PEPD: variants seen among roughly 807,000 people sequenced by gnomAD.
PEPD encodes the protein xaa-Pro dipeptidase.
In PEPD, 53 loss-of-function variants were observed where a neutral mutation model predicts 60.7. That is an observed-to-expected ratio of 0.87 (90% CI 0.70 to 1.10). The LOEUF is 1.10. Ranked by LOEUF, PEPD falls within the 50% of genes least tolerant of loss-of-function variation. The pLI, the probability that PEPD is intolerant of heterozygous loss-of-function variation, is 0.00. For missense variants in PEPD, 711 were observed against 711.9 expected, an observed-to-expected ratio of 1.00 and a Z score of 0.01; for synonymous variants, 267 against 284.1, an observed-to-expected ratio of 0.94 and a Z score of 0.60.
At chr19:33,409,180 T>A (rs1399869280) in intron 11 of PEPD, among the ~76,000 whole-genome samples, 1 of 152,222 alleles carries the variant, frequency 6.6e-6, no homozygotes, top group Non-Finnish European at 1.5e-5. Context: ...GAGCAGTCAC[T>A]TCTTCTGGGG....
intron 8 of PEPD, among the ~76,000 whole-genome samples, chr19:33,463,260 G>A (rs1969962776): frequency 6.6e-6 from 1 of 152,190 alleles, no homozygotes; most frequent in African/African-American, 2.4e-5. Flanking sequence ...ACTTCCATTT[G>A]GAAGCCGATA....
At chr19:33,463,340 G>A (rs1320329248) in intron 8 of PEPD, among the ~76,000 whole-genome samples, 2 of 152,218 alleles carry the variant, frequency 1.3e-5, no homozygotes, top group African/African-American at 4.8e-5. Flanking sequence ...TAACCACGAG[G>A]TGCTTGGTGA....
intron 6 of PEPD, among the ~76,000 whole-genome samples, chr19:33,481,313 T>A (rs1008428735): frequency 6.6e-6 from 1 of 152,204 alleles, no homozygotes; most frequent in Non-Finnish European, 1.5e-5. Flanking sequence ...ATGCCTGCAG[T>A]CCCAGCACTT....
chr19:33,391,249 C>T lies in PEPD; in HGVS notation c.1152+46G>A, dbSNP rs534944956. 2.1e-5 allele frequency: 32 copies of T among 1,499,186 alleles called. No homozygotes were observed. The Admixed American group carries it at 2.5e-4, about 12-fold the overall frequency. 92.9% of individuals were successfully genotyped at this position (1,499,186 alleles called of 1,614,324 possible). A position where few individuals can be genotyped will look rare whatever the true frequency, so the allele number is the denominator to read the frequency against. ...ACCCTGCCCTGGGGGTCAGGCTCAGCGGCAGCTGATGGGCAGGCCACTCCG... is the reference window on the plus strand; with the variant it reads ...ACCCTGCCCTGGGGGTCAGGCTCAGTGGCAGCTGATGGGCAGGCCACTCCG... On this transcript the variant is annotated intron_variant, in intron 13 of 14. Transcript: ENST00000244137.
intron 9 of PEPD, among the ~76,000 whole-genome samples, chr19:33,457,934 C>G (rs35208092): frequency 1.3e-5 from 2 of 152,102 alleles, no homozygotes; most frequent in Non-Finnish European, 2.9e-5. Flanking sequence ...GCTGGATTCA[C>G]GGAGAGCTCC....
intron 9 of PEPD, among the ~76,000 whole-genome samples, chr19:33,454,320 G>A (rs1474140334): frequency 6.6e-6 from 1 of 152,122 alleles, no homozygotes; most frequent in African/African-American, 2.4e-5. Context: ...TTAAAAAAGA[G>A]GCCAGGCGCA....
At chr19:33,442,096 G>A (rs1179843123) in intron 9 of PEPD, among the ~76,000 whole-genome samples, 2 of 152,180 alleles carry the variant, frequency 1.3e-5, no homozygotes, top group Admixed American at 1.3e-4. Flanking sequence ...ACCTGTAAAA[G>A]GGGCTTAATA....
chr19:33,388,081 CCT>C lies in PEPD; in HGVS notation c.1153-2_1153-1del. ...CCGGGCTCGTCGATGCGCTCCACGC[CCT>C]GTGGGGAACAGAGGTGAGGGGCCTG... On this transcript the variant is annotated splice_acceptor_variant, in intron 13 of 14. Coordinates refer to ENST00000244137, the MANE Select transcript of PEPD (RefSeq NM_000285.4). LOFTEE classifies it high-confidence loss of function. 1 of 1,546,568 alleles carries C rather than the reference CCT, an allele frequency of 6.5e-7. No homozygotes were observed. The highest frequency in any genetic ancestry group is 8.7e-7 in the Non-Finnish European group (1 of 1,147,064).
rs372497046 is a variant in PEPD, at chr19:33,518,466, C to T, written c.17+3278G>A. 1.3e-4 allele frequency among the ~76,000 whole-genome samples: 20 copies of T among 152,290 alleles called. 1 individual carries two copies. The highest frequency in any genetic ancestry group is 1.2e-3 in the South Asian group (6 of 4,820). The stretch of plus-strand genomic sequence containing the variant: ...AGAATGCTGACTCCAGTGTAACCTA[C>T]GGCTCAACAGGGGTACACGTCCAGG... On this transcript the variant is annotated intron_variant, in intron 1 of 14. Coordinates refer to ENST00000244137, the MANE Select transcript of PEPD (RefSeq NM_000285.4).
intron 9 of PEPD, among the ~76,000 whole-genome samples, chr19:33,423,068 A>G (rs1316747650): frequency 7.2e-6 from 1 of 138,544 alleles, no homozygotes; most frequent in African/African-American, 2.7e-5. Context: ...ATGATCATCT[A>G]TATCAGCCTA....
At chr19:33,394,548 A>T (rs531844256) in intron 12 of PEPD, among the ~76,000 whole-genome samples, 4 of 152,340 alleles carry the variant, frequency 2.6e-5, no homozygotes, top group African/African-American at 9.6e-5. Context: ...ACTTGGCCCC[A>T]GCCTCTGGCC....
chr19:33,410,771 G>A lies in PEPD; in HGVS notation c.818+901C>T, dbSNP rs556130191. On this transcript the variant is annotated intron_variant, in intron 11 of 14. Coordinates refer to ENST00000244137, the MANE Select transcript of PEPD (RefSeq NM_000285.4). Reference sequence around the variant, plus strand: ...GAGGGACAAGGCACATCCTCTGCTAGTCAGTGACCACAGTGAAATGTCTGG... The same window carrying A: ...GAGGGACAAGGCACATCCTCTGCTAATCAGTGACCACAGTGAAATGTCTGG... Among the ~76,000 whole-genome samples, 359 of 152,272 alleles carry A rather than the reference G, an allele frequency of 2.4e-3. 8 individuals are homozygous for A. Among genetic ancestry groups the A allele is most frequent in the Admixed American group, 0.022 (332 of 15,308 alleles).
At chr19:33,462,258 G>A (rs984197400) in intron 9 of PEPD, among the ~76,000 whole-genome samples, 2 of 152,264 alleles carry the variant, frequency 1.3e-5, no homozygotes, top group South Asian at 2.1e-4. Context: ...GGAAAGCCCA[G>A]AGTGAGGACA....
chr19:33,443,236 T>C (rs946691266), intron 9 of PEPD, among the ~76,000 whole-genome samples: 1 of 152,236 alleles, frequency 6.6e-6, no homozygotes, highest in African/African-American at 2.4e-5. Flanking sequence ...GATTCTGTCA[T>C]ATGTCCCTGT....
rs962450293 is a variant in PEPD, at chr19:33,466,779, A to T, written c.549-2717T>A. 1.9e-3 allele frequency among the ~76,000 whole-genome samples: 290 copies of T among 151,694 alleles called. 2 individuals carry two copies. In the East Asian group the frequency reaches 0.023, roughly 12 times the overall value. On this transcript the variant is annotated intron_variant, in intron 7 of 14. Coordinates refer to ENST00000244137, the MANE Select transcript of PEPD (RefSeq NM_000285.4). ...AATGAAAAAAAAAAAAGAAATAAAA[A>T]TTTTTTTCTAATAAAAAAACCATTC... is the stretch of plus-strand genomic sequence containing the variant.
At chr19:33,416,580 T>C (rs947850817) in intron 9 of PEPD, among the ~76,000 whole-genome samples, 2 of 152,122 alleles carry the variant, frequency 1.3e-5, no homozygotes, top group Admixed American at 6.5e-5. Context: ...CCAGCCAGGC[T>C]CAAGCCCAGC....
At chr19:33,443,058 T>C (rs979999872) in intron 9 of PEPD, among the ~76,000 whole-genome samples, 1 of 152,076 alleles carries the variant, frequency 6.6e-6, no homozygotes, top group Non-Finnish European at 1.5e-5. Flanking sequence ...CCAAAGAAAC[T>C]CGGTACCCAT....
At chr19:33,448,048 G>A (rs997562317) in intron 9 of PEPD, among the ~76,000 whole-genome samples, 4 of 152,204 alleles carry the variant, frequency 2.6e-5, no homozygotes, top group African/African-American at 9.7e-5. Flanking sequence ...CGGCAGGTAT[G>A]GAGACAGCCC....
intron 7 of PEPD, among the ~76,000 whole-genome samples, chr19:33,476,393 GC>G (rs987520780): frequency 6.6e-6 from 1 of 152,040 alleles, no homozygotes; most frequent in Non-Finnish European, 1.5e-5. Context: ...CCGGTATCTG[GC>G]CCTCCCAGTT....
Sources: allele counts gnomAD v4.1 joint callset (sites outside exome capture counted in the v4.1 genomes callset), GRCh38; gene constraint gnomAD v4.1.1; transcripts MANE v1.5; gene names NCBI Gene and HGNC (gene_info 2026-07-23, HGNC 2026-07-21).